ENTPD3: variants seen among roughly 807,000 people sequenced by gnomAD.
ENTPD3 encodes the protein CD39 antigen-like 3.
A neutral mutation model predicts 51.2 loss-of-function variants in ENTPD3; 60 were observed. That is an observed-to-expected ratio of 1.17 (90% CI 0.95 to 1.45). ENTPD3 has a LOEUF of 1.45. Ranked by LOEUF, ENTPD3 falls within the 40% of genes most tolerant of loss-of-function variation. The pLI is 0.00. For missense variants in ENTPD3, 593 were observed against 641.1 expected (o/e 0.93, Z 0.81); for synonymous variants, 221 against 238.4 (o/e 0.93, Z 0.67).
intron 4 of ENTPD3, among the ~76,000 whole-genome samples, chr3:40,401,853 C>T (rs1007729759): frequency 2.0e-5 from 3 of 152,190 alleles, no homozygotes; most frequent in Non-Finnish European, 4.4e-5. Context: ...GTATTATCAG[C>T]AATGATAATT....
chr3:40,400,847 C>T (rs1324432758), intron 3 of ENTPD3, 47 bp from the exon 4 acceptor site: 1 of 1,481,946 alleles, frequency 6.7e-7, no homozygotes, highest in Non-Finnish European at 9.4e-7. Flanking sequence ...AAGCAGTCCT[C>T]AGAGGAGTCC....
chr3:40,391,911 G>A, intron 2 of ENTPD3, 112 bp from the exon 3 acceptor site: 1 of 1,253,994 alleles, frequency 8.0e-7, no homozygotes, highest in Non-Finnish European at 1.2e-6. Context: ...GCTAACACCA[G>A]AGAAGGTGGT....
At chr3:40,417,694 C>T (rs1286887423) in intron 7 of ENTPD3, among the ~76,000 whole-genome samples, 2 of 152,206 alleles carry the variant, frequency 1.3e-5, no homozygotes, top group African/African-American at 4.8e-5. Flanking sequence ...ATCAGGGGAT[C>T]TCAATACTCA....
At chr3:40,424,599 A>G (rs1268405651) in intron 10 of ENTPD3, among the ~76,000 whole-genome samples, 1 of 152,084 alleles carries the variant, frequency 6.6e-6, no homozygotes, top group Non-Finnish European at 1.5e-5. Context: ...ACATACATAT[A>G]TATATATGAT....
chr3:40,399,463 A>G (rs1048416032), intron 3 of ENTPD3: 2 of 152,196 alleles, frequency 1.3e-5, no homozygotes, highest in African/African-American at 4.8e-5. Context: ...CAGAAAGGTT[A>G]GGCAACTTAC....
At chr3:40,404,534 G>A (rs1000709196) in intron 4 of ENTPD3, among the ~76,000 whole-genome samples, 1 of 152,156 alleles carries the variant, frequency 6.6e-6, no homozygotes, top group Non-Finnish European at 1.5e-5. Context: ...TCCCTCAGGG[G>A]AAGGGTTCCT....
At position 40,411,858 on chromosome 3, in the gene ENTPD3, A is replaced by T; in HGVS notation, c.333A>T (p.Arg111Ser). Residue 111 changes from arginine (R) to serine (S), a missense_variant, in exon 5 of 11, where the codon AGA becomes AGT. Coordinates refer to ENST00000301825, the MANE Select transcript of ENTPD3 (RefSeq NM_001248.4). ...SYGNNPQDVP[R>S]AFEECMQKVK... ...GAAATAACCCCCAAGATGTCCCCAG[A>T]GCCTTTGAGGAGTGTATGCAAAAAG... The T allele has an allele frequency of 6.2e-7, 1 of 1,609,686 alleles. No homozygotes were observed. Among genetic ancestry groups the T allele is most frequent in the Non-Finnish European group, 8.5e-7 (1 of 1,178,068 alleles).
intron 5 of ENTPD3, 88 bp downstream of exon 5, chr3:40,412,050 G>A (rs1955646324): frequency 1.5e-6 from 2 of 1,298,972 alleles, no homozygotes; most frequent in Non-Finnish European, 2.0e-6. Context: ...TCTATTTCTG[G>A]GAACAACCCT....
intron 3 of ENTPD3, among the ~76,000 whole-genome samples, chr3:40,394,633 A>G (rs918311296): frequency 6.6e-6 from 1 of 152,186 alleles, no homozygotes; most frequent in African/African-American, 2.4e-5. Context: ...TCCCAAGGCC[A>G]GGGCTCTCTT....
chr3:40,417,306 C>G (rs1955768423), intron 7 of ENTPD3, among the ~76,000 whole-genome samples: 1 of 152,174 alleles, frequency 6.6e-6, no homozygotes, highest in Non-Finnish European at 1.5e-5. Flanking sequence ...TTAATTGGTT[C>G]ATGGTTCTGT....
At chr3:40,412,990 T>G (rs922666404) in intron 5 of ENTPD3, among the ~76,000 whole-genome samples, 1 of 152,240 alleles carries the variant, frequency 6.6e-6, no homozygotes, top group Non-Finnish European at 1.5e-5. Context: ...TTTTTCTTTC[T>G]TATAAAAACA....
chr3:40,421,025 ATT>A (rs1165623479), intron 7 of ENTPD3, among the ~76,000 whole-genome samples: 32 of 142,170 alleles, frequency 2.3e-4, no homozygotes, highest in African/African-American at 6.8e-4. Context: ...ATTAATTTAA[ATT>A]TTTTTTTTTT....
chr3:40,414,590 G>A lies in ENTPD3; in HGVS notation c.438-91G>A, dbSNP rs1575226251. On this transcript the variant is annotated intron_variant, in intron 5 of 10. Transcript: ENST00000301825. ...ATTCATCCCCACCAGCAGGGAGACG[G>A]TGAAGTTTGCATTTTCACCTGAGTG... The A allele has an allele frequency of 7.2e-6, 10 of 1,380,734 alleles. No individual in the cohort carries two copies. The East Asian group carries it at 2.4e-4, about 33-fold the overall frequency. The allele number at this position is 1,380,734 out of a possible 1,614,324, so 85.5% of individuals were successfully genotyped here.
At chr3:40,390,618 C>G (rs1559506351) in intron 2 of ENTPD3, among the ~76,000 whole-genome samples, 1 of 152,104 alleles carries the variant, frequency 6.6e-6, no homozygotes, top group Non-Finnish European at 1.5e-5. Context: ...GGTGTTCTTG[C>G]CTTCTAAAAG....
chr3:40,427,780 T>G lies in ENTPD3; in HGVS notation c.*272T>G. On this transcript the variant is annotated 3_prime_UTR_variant, in exon 11 of 11. Transcript: ENST00000301825. Reference sequence around the variant, plus strand: ...CAGGCCACGAAGGTCAGGCTCTTTATATTAAGTTCCCCAGAGGAAGAGTAA... The same window carrying G: ...CAGGCCACGAAGGTCAGGCTCTTTAGATTAAGTTCCCCAGAGGAAGAGTAA... 2.2e-6 allele frequency: 1 copy of G among 463,622 alleles called. No homozygotes were observed. The highest frequency in any genetic ancestry group is 3.9e-6 in the Non-Finnish European group (1 of 255,770). 28.7% of individuals were successfully genotyped at this position (463,622 alleles called of 1,614,324 possible).
At chr3:40,388,502 C>A (rs1323520923) in intron 2 of ENTPD3, among the ~76,000 whole-genome samples, 1 of 151,802 alleles carries the variant, frequency 6.6e-6, no homozygotes, top group Non-Finnish European at 1.5e-5. Flanking sequence ...CACCCCCACC[C>A]CTCACTGTGA....
intron 4 of ENTPD3, among the ~76,000 whole-genome samples, chr3:40,409,289 A>G (rs983624378): frequency 6.6e-6 from 1 of 152,096 alleles, no homozygotes; most frequent in Non-Finnish European, 1.5e-5. Context: ...ATATAAACAT[A>G]TATATTTATT....
At position 40,423,006 on chromosome 3, in the gene ENTPD3, G is replaced by C. The variant is rs758869853; in HGVS notation, c.988G>C (p.Asp330His). 6.2e-7 allele frequency: 1 copy of C among 1,613,930 alleles called. No individual in the cohort carries two copies. The highest frequency in any genetic ancestry group is 8.5e-7 in the Non-Finnish European group (1 of 1,179,994). ...NDVITFEGTG[D>H]PSLCKEKVAS... The stretch of plus-strand genomic sequence containing the variant: ...TGTCATCACTTTTGAAGGAACTGGG[G>C]ACCCATCTCTGTGTAAGGAGAAGGT... The change falls in exon 8 of 11, where the codon GAC (aspartate) becomes CAC (histidine). Residue 330 changes from aspartate (D) to histidine (H), a missense_variant. Coordinates refer to ENST00000301825, the MANE Select transcript of ENTPD3 (RefSeq NM_001248.4).
chr3:40,414,760 G>T lies in ENTPD3; in HGVS notation c.517G>T (p.Gly173Cys). The part of the protein sequence containing the change: ...YFKSQPFDFR[G>C]AQIISGQEEG... ...CAAGTCCCAGCCCTTTGACTTTAGG[G>T]GTGCTCAAATCATTTCTGGGCAAGA... The change falls in exon 6 of 11, where the codon GGT (glycine) becomes TGT (cysteine). Residue 173 changes from glycine to cysteine, a missense_variant. Physicochemically the swap from Gly to Cys is radical, Grantham distance 159. Transcript: ENST00000301825. 3 of 1,614,032 alleles carry T rather than the reference G, an allele frequency of 1.9e-6. No individual in the cohort carries two copies. The highest frequency in any genetic ancestry group is 2.5e-6 in the Non-Finnish European group (3 of 1,179,948).
Sources: allele counts gnomAD v4.1 joint callset (sites outside exome capture counted in the v4.1 genomes callset), GRCh38; gene constraint gnomAD v4.1.1; transcripts MANE v1.5; gene names NCBI Gene and HGNC (gene_info 2026-07-23, HGNC 2026-07-21).